LRRC7: variants seen among roughly 807,000 people sequenced by gnomAD.
The protein encoded by LRRC7 is leucine-rich repeat-containing protein 7.
A neutral mutation model predicts 175.7 loss-of-function variants in LRRC7; 23 were observed. The ratio of observed to expected loss-of-function variants is 0.13; its 90% CI spans 0.09 to 0.19. The LOEUF is 0.19. Among genes scored for constraint, LRRC7 ranks in the 10% least tolerant of loss-of-function variants. The pLI is 1.00. For missense variants in LRRC7, 1,354 were observed against 1,904.7 expected (o/e 0.71, Z 5.38); for synonymous variants, 685 against 680.9 (o/e 1.01, Z -0.09).
At chr1:70,008,059 C>T (rs562170656) in intron 11 of LRRC7, among the ~76,000 whole-genome samples, 38 of 152,204 alleles carry the variant, frequency 2.5e-4, no homozygotes, top group African/African-American at 7.9e-4. Context: ...TTAACTTACA[C>T]GATGACAAGG....
intron 8 of LRRC7, among the ~76,000 whole-genome samples, chr1:69,956,849 G>A (rs1028092662): frequency 2.0e-4 from 31 of 151,238 alleles, no homozygotes; most frequent in African/African-American, 7.3e-4. Context: ...TAAAAATTTT[G>A]CATTTTTTCA....
intron 1 of LRRC7, among the ~76,000 whole-genome samples, chr1:69,601,584 C>T (rs1204688304): frequency 6.6e-6 from 1 of 152,114 alleles, no homozygotes; most frequent in Non-Finnish European, 1.5e-5. Flanking sequence ...TTTTCATTTA[C>T]AAAGTTACTT....
rs1297853221 is a variant in LRRC7, at chr1:70,131,458, TG to T, written c.*9574del. 6.6e-6 allele frequency among the ~76,000 whole-genome samples: 1 copy of T among 152,228 alleles called. No individual in the cohort carries two copies. The highest frequency in any genetic ancestry group is 1.5e-5 in the Non-Finnish European group (1 of 68,040). ...AAACTATTTCCCATGTCTTTCTATT[TG>T]GGTTTCATAGCTAAGTAACTCCAGA... is the stretch of plus-strand genomic sequence containing the variant. On this transcript the variant is annotated 3_prime_UTR_variant, in exon 27 of 27. Transcript: ENST00000651989.
chr1:69,781,928 G>GAAAGAA (rs1553155336), intron 3 of LRRC7, among the ~76,000 whole-genome samples: 6 of 141,780 alleles, frequency 4.2e-5, no homozygotes, highest in African/African-American at 1.6e-4. Flanking sequence ...AAGAAAGAAA[G>GAAAGAA]AAAGAAAGAA....
intron 2 of LRRC7, among the ~76,000 whole-genome samples, chr1:69,731,426 A>G (rs553938361): frequency 5.9e-4 from 90 of 152,342 alleles, no homozygotes; most frequent in Non-Finnish European, 1.1e-3. Flanking sequence ...TATGGGAACT[A>G]CAATTCAAGA....
rs1656541828 is a variant in LRRC7 at position 70,011,870 on chromosome 1, C to T, written c.1078C>T (p.His360Tyr). 3 of 1,599,526 alleles carry T rather than the reference C, an allele frequency of 1.9e-6. No individual in the cohort carries two copies. Among genetic ancestry groups the T allele is most frequent in the Admixed American group, 1.7e-5 (1 of 59,902 alleles). ...ESLPSTIGYLHSLRTLAVDEN... is the reference protein window; with the variant it reads ...ESLPSTIGYLYSLRTLAVDEN... ...ACTACCTTCTACTATTGGCTACCTTCATAGTCTTCGGACATTAGCAGTTGA... is the reference window on the plus strand; with the variant it reads ...ACTACCTTCTACTATTGGCTACCTTTATAGTCTTCGGACATTAGCAGTTGA... The change falls in exon 12 of 27, where the codon CAT (histidine) becomes TAT (tyrosine). Residue 360 changes from histidine (H) to tyrosine (Y), a missense_variant. Coordinates refer to ENST00000651989, the MANE Select transcript of LRRC7 (RefSeq NM_001370785.2).
At chr1:69,861,099 GA>G (rs1684313055) in intron 7 of LRRC7, among the ~76,000 whole-genome samples, 1 of 151,878 alleles carries the variant, frequency 6.6e-6, no homozygotes, top group Non-Finnish European at 1.5e-5. Flanking sequence ...AAATTACAAA[GA>G]AAAAGCATAT....
chr1:69,877,210 C>T (rs1010597600), intron 7 of LRRC7, among the ~76,000 whole-genome samples: 4 of 152,090 alleles, frequency 2.6e-5, no homozygotes, highest in African/African-American at 9.7e-5. Flanking sequence ...TTTTAAGCAG[C>T]GGAATGACAC....
At chr1:69,674,615 G>A (rs1357547847) in intron 1 of LRRC7, among the ~76,000 whole-genome samples, 4 of 151,962 alleles carry the variant, frequency 2.6e-5, no homozygotes, top group African/African-American at 7.2e-5. Context: ...TCATGATGAC[G>A]ACAACCCACT....
chr1:69,608,812 GTCTCTCTCTCTCTCTCTCTCTCTC>G (rs558298354), intron 1 of LRRC7, among the ~76,000 whole-genome samples: 253 of 91,592 alleles, frequency 2.8e-3, no homozygotes, highest in African/African-American at 2.9e-3. Flanking sequence ...TGCTCTGTCT[GTCTCTCTCTCTCTCTCTCTCTCTC>G]TCTCTCTCTC....
chr1:69,642,608 A>C (rs1038101691), intron 1 of LRRC7, among the ~76,000 whole-genome samples: 1 of 151,998 alleles, frequency 6.6e-6, no homozygotes, highest in African/African-American at 2.4e-5. Flanking sequence ...AATAATGTCA[A>C]AGTTTTCTCA....
At chr1:69,801,989 A>T (rs1299828608) in intron 4 of LRRC7, among the ~76,000 whole-genome samples, 1 of 150,868 alleles carries the variant, frequency 6.6e-6, no homozygotes, top group Non-Finnish European at 1.5e-5. Flanking sequence ...AACATTGTTC[A>T]GGGGTATATT....
intron 3 of LRRC7, among the ~76,000 whole-genome samples, chr1:69,781,705 AAG>A (rs1396658018): frequency 1.1e-4 from 3 of 27,454 alleles, no homozygotes; most frequent in African/African-American, 4.7e-4. Context: ...GAAAGAAAGA[AAG>A]AAAGAAAGAA....
chr1:69,597,770 A>G (rs1316602718), intron 1 of LRRC7, among the ~76,000 whole-genome samples: 1 of 152,190 alleles, frequency 6.6e-6, no homozygotes, highest in African/African-American at 2.4e-5. Context: ...ATTTCACATG[A>G]TGGCCATTTA....
At chr1:69,588,613 G>C (rs761739861) in intron 1 of LRRC7, among the ~76,000 whole-genome samples, 3 of 152,052 alleles carry the variant, frequency 2.0e-5, no homozygotes, top group Non-Finnish European at 4.4e-5. Flanking sequence ...TTTGAAACAG[G>C]CTGTATAATT....
chr1:70,136,063 CTG>C lies in LRRC7; in HGVS notation c.*14186_*14187del, dbSNP rs1666856679. On this transcript the variant is annotated 3_prime_UTR_variant, in exon 27 of 27. Transcript: ENST00000651989. ...AATATCTCTCTCTCTCTGTGTGTGT[CTG>C]TGTGTGTGTCTGTGTGTGTGTGTGT... Among the ~76,000 whole-genome samples the C allele has an allele frequency of 9.5e-5, 7 of 73,768 alleles. No individual in the cohort carries two copies. The East Asian group carries it at 2.0e-3, about 21-fold the overall frequency. The allele number at this position is 73,768 out of a possible 152,430, so 48.4% of individuals were successfully genotyped here.
intron 7 of LRRC7, among the ~76,000 whole-genome samples, chr1:69,878,660 T>C (rs1267704591): frequency 6.6e-6 from 1 of 152,054 alleles, no homozygotes; most frequent in Non-Finnish European, 1.5e-5. Flanking sequence ...GAACTGAAGA[T>C]AAAGCGAATT....
Position 69,641,651 on chromosome 1 carries a change from C to T in LRRC7, c.3-36730C>T, listed in dbSNP as rs547375892. 3.1e-4 allele frequency among the ~76,000 whole-genome samples: 47 copies of T among 151,690 alleles called. 1 individual carries two copies. Among genetic ancestry groups the T allele is most frequent in the African/African-American group, 1.1e-3 (47 of 41,498 alleles). On this transcript the variant is annotated intron_variant, in intron 1 of 26. Transcript: ENST00000651989. ...TACCACCTTTAACCAAAATAATCAACTTGCTTTTCGGGCAAAAGAGAACTA... is the reference window on the plus strand; with the variant it reads ...TACCACCTTTAACCAAAATAATCAATTTGCTTTTCGGGCAAAAGAGAACTA...
chr1:69,833,124 G>A (rs544213294), intron 5 of LRRC7, among the ~76,000 whole-genome samples: 1 of 151,618 alleles, frequency 6.6e-6, no homozygotes, highest in Non-Finnish European at 1.5e-5. Context: ...AAGAAGAAAC[G>A]ACTGTAATGT....
Sources: allele counts gnomAD v4.1 joint callset (sites outside exome capture counted in the v4.1 genomes callset), GRCh38; gene constraint gnomAD v4.1.1; transcripts MANE v1.5; gene names NCBI Gene and HGNC (gene_info 2026-07-23, HGNC 2026-07-21).